The following TRPC4 variants were observed in gnomAD, a reference collection of about 807,000 sequenced individuals.
TRPC4 encodes the protein short transient receptor potential channel 4.
Under a neutral mutation model 99.4 loss-of-function variants are expected in TRPC4, and 49 were observed. That is an observed-to-expected ratio of 0.49 (90% CI 0.39 to 0.63). The LOEUF (loss-of-function observed/expected upper bound fraction) is 0.63. Among genes scored for constraint, TRPC4 ranks in the 20% least tolerant of loss-of-function variants. The pLI, the probability that TRPC4 is intolerant of heterozygous loss-of-function variation, is 0.00. For missense variants in TRPC4, 898 were observed against 1,152.9 expected, an observed-to-expected ratio of 0.78 and a Z score of 3.20; for synonymous variants, 454 against 425.9, an observed-to-expected ratio of 1.07 and a Z score of -0.81.
chr13:37,773,399 G>C (rs988299337), intron 2 of TRPC4, among the ~76,000 whole-genome samples: 2 of 151,784 alleles, frequency 1.3e-5, no homozygotes, highest in African/African-American at 4.8e-5. Flanking sequence ...ATACCAAACA[G>C]TCAAAGAAAA....
chr13:37,720,451 T>C (rs1182530234), intron 3 of TRPC4, among the ~76,000 whole-genome samples: 1 of 152,098 alleles, frequency 6.6e-6, no homozygotes, highest in African/African-American at 2.4e-5. Flanking sequence ...GAGGTTATTA[T>C]TAGTAGTAGT....
chr13:37,705,519 T>C (rs2138956412), intron 3 of TRPC4, among the ~76,000 whole-genome samples: 1 of 152,242 alleles, frequency 6.6e-6, no homozygotes, highest in South Asian at 2.1e-4. Flanking sequence ...GCATAATGTA[T>C]GCACATTTCA....
intron 1 of TRPC4, among the ~76,000 whole-genome samples, chr13:37,798,030 A>G (rs1360966407): frequency 6.6e-6 from 1 of 152,168 alleles, no homozygotes; most frequent in Non-Finnish European, 1.5e-5. Flanking sequence ...ATCAGCAGAC[A>G]CGTTAGCATT....
chr13:37,724,850 C>G lies in TRPC4; in HGVS notation c.897+21087G>C, dbSNP rs550578328. Among the ~76,000 whole-genome samples the G allele has an allele frequency of 2.4e-4, 37 of 152,224 alleles. No homozygotes were observed. In the South Asian group the frequency reaches 7.7e-3, roughly 32 times the overall value. On this transcript the variant is annotated intron_variant, in intron 3 of 10. Transcript: ENST00000379705. The stretch of plus-strand genomic sequence containing the variant: ...TAAATAATTTGTTATTTAATGAGTA[C>G]TTGAAAGGCTGAATTGGTGAATGCC...
At chr13:37,708,223 G>C (rs527429798) in intron 3 of TRPC4, among the ~76,000 whole-genome samples, 1 of 152,154 alleles carries the variant, frequency 6.6e-6, no homozygotes, top group African/African-American at 2.4e-5. Context: ...AAAGCTATAA[G>C]GAGATTTAAA....
chr13:37,785,504 T>G (rs1956946179), intron 1 of TRPC4, among the ~76,000 whole-genome samples: 1 of 152,054 alleles, frequency 6.6e-6, no homozygotes, highest in South Asian at 2.1e-4. Context: ...TATTTTAGAG[T>G]TGAATTTAAG....
At chr13:37,761,352 A>G (rs1956217762) in intron 2 of TRPC4, among the ~76,000 whole-genome samples, 1 of 151,868 alleles carries the variant, frequency 6.6e-6, no homozygotes, top group Non-Finnish European at 1.5e-5. Flanking sequence ...ACAGAAATCC[A>G]TGCAGCCTGA....
At chr13:37,841,478 A>G (rs773303736) in intron 1 of TRPC4, among the ~76,000 whole-genome samples, 3 of 152,016 alleles carry the variant, frequency 2.0e-5, no homozygotes, top group Non-Finnish European at 2.9e-5. Context: ...TACAGACTTG[A>G]AAACATGTAC....
intron 3 of TRPC4, among the ~76,000 whole-genome samples, chr13:37,695,806 C>CTTTTTT (rs1325554438): frequency 1.6e-4 from 24 of 152,004 alleles, no homozygotes; most frequent in Non-Finnish European, 3.5e-4. Flanking sequence ...AATCTAATCT[C>CTTTTTT]ATTTTTACAA....
chr13:37,793,128 C>T (rs1957163547), intron 1 of TRPC4, among the ~76,000 whole-genome samples: 1 of 151,938 alleles, frequency 6.6e-6, no homozygotes, highest in South Asian at 2.1e-4. Context: ...TTTGTAGCAC[C>T]ATGAGAATGT....
At chr13:37,767,888 T>A (rs1206637117) in intron 2 of TRPC4, among the ~76,000 whole-genome samples, 3 of 151,462 alleles carry the variant, frequency 2.0e-5, no homozygotes, top group Non-Finnish European at 3.0e-5. Context: ...TTGTTTACAG[T>A]GTAATTTATG....
chr13:37,708,995 C>A (rs1954381504), intron 3 of TRPC4, among the ~76,000 whole-genome samples: 1 of 151,956 alleles, frequency 6.6e-6, no homozygotes, highest in African/African-American at 2.4e-5. Context: ...CAATAATCTT[C>A]TGTCATATCT....
At chr13:37,800,338 G>C (rs1957369102) in intron 1 of TRPC4, among the ~76,000 whole-genome samples, 1 of 152,098 alleles carries the variant, frequency 6.6e-6, no homozygotes, top group African/African-American at 2.4e-5. Context: ...TGAGTAGCTA[G>C]AAATAAAGGT....
chr13:37,664,733 G>A (rs1035923796), intron 5 of TRPC4, among the ~76,000 whole-genome samples: 3 of 152,148 alleles, frequency 2.0e-5, no homozygotes, highest in African/African-American at 7.2e-5. Flanking sequence ...CCAATGAAAA[G>A]AAAGTTAGTG....
chr13:37,729,578 C>G (rs551559550), intron 3 of TRPC4, among the ~76,000 whole-genome samples: 6 of 152,162 alleles, frequency 3.9e-5, no homozygotes, highest in Non-Finnish European at 7.4e-5. Context: ...ATGGAAGTAA[C>G]CAACCCAAGT....
intron 2 of TRPC4, among the ~76,000 whole-genome samples, chr13:37,761,007 A>T (rs1956207875): frequency 1.3e-5 from 2 of 152,016 alleles, no homozygotes; most frequent in South Asian, 4.1e-4. Flanking sequence ...GAAAAGGTAT[A>T]TAGGGCACAC....
chr13:37,696,686 A>G (rs995003603), intron 3 of TRPC4, among the ~76,000 whole-genome samples: 1 of 152,172 alleles, frequency 6.6e-6, no homozygotes, highest in African/African-American at 2.4e-5. Flanking sequence ...CATAAGGGCA[A>G]TCTGATTCCT....
At chr13:37,665,585 A>T (rs1260309457) in intron 5 of TRPC4, among the ~76,000 whole-genome samples, 1 of 152,168 alleles carries the variant, frequency 6.6e-6, no homozygotes, top group Admixed American at 6.5e-5. Flanking sequence ...TAAGAGATTA[A>T]CACAAAGTGG....
At chr13:37,828,059 C>A (rs1398488267) in intron 1 of TRPC4, among the ~76,000 whole-genome samples, 2 of 152,242 alleles carry the variant, frequency 1.3e-5, no homozygotes, top group Non-Finnish European at 2.9e-5. Context: ...TCACCCCTTT[C>A]TTTGACTAGG....
Sources: gnomAD v4.1 joint callset for allele counts (sites outside exome capture counted in the v4.1 genomes callset) on GRCh38, gnomAD v4.1.1 for gene constraint, MANE v1.5 for transcripts, NCBI Gene and HGNC (gene_info 2026-07-23, HGNC 2026-07-21) for gene names.